The following ADAM32 variants were observed in gnomAD, a reference collection of about 807,000 sequenced individuals.
The protein encoded by ADAM32 is disintegrin and metalloproteinase domain-containing protein 32.
A neutral mutation model predicts 114.9 loss-of-function variants in ADAM32; 89 were observed. The observed-to-expected ratio is 0.77, with a 90% CI of 0.65 to 0.92. The LOEUF (loss-of-function observed/expected upper bound fraction) is 0.92. Among genes scored for constraint, ADAM32 ranks in the 40% least tolerant of loss-of-function variants. The pLI is 0.00. For synonymous variants in ADAM32, 285 were observed against 307.5 expected, an observed-to-expected ratio of 0.93 and a Z score of 0.77; for missense variants, 870 against 932.8, an observed-to-expected ratio of 0.93 and a Z score of 0.88.
intron 10 of ADAM32, among the ~76,000 whole-genome samples, chr8:39,181,338 C>T (rs1398268804): frequency 6.6e-6 from 1 of 152,196 alleles, no homozygotes; most frequent in Non-Finnish European, 1.5e-5. Context: ...CTGTAACACT[C>T]ACTGCGAACG....
At chr8:39,147,228 T>C (rs1207279721) in intron 4 of ADAM32, 23 bp downstream of exon 4, 1 of 968,860 alleles carries the variant, frequency 1.0e-6, no homozygotes, top group African/African-American at 1.7e-5. Flanking sequence ...TTCTGTGTTT[T>C]ATAGTTTTTT....
intron 10 of ADAM32, among the ~76,000 whole-genome samples, chr8:39,170,797 T>C (rs1805138509): frequency 6.6e-6 from 1 of 152,174 alleles, no homozygotes; most frequent in African/African-American, 2.4e-5. Flanking sequence ...CATTTTTTTA[T>C]TGACACATAA....
intron 11 of ADAM32, among the ~76,000 whole-genome samples, chr8:39,210,748 T>C (rs985859019): frequency 3.9e-5 from 6 of 152,232 alleles, no homozygotes; most frequent in Non-Finnish European, 5.9e-5. Flanking sequence ...ACACTTTTTT[T>C]CTGAGATCTT....
At chr8:39,252,646 T>G (rs1811377164) in intron 17 of ADAM32, among the ~76,000 whole-genome samples, 1 of 151,258 alleles carries the variant, frequency 6.6e-6, no homozygotes, top group Admixed American at 6.6e-5. Context: ...GAGTTGAGTT[T>G]TTGAAAAGAT....
At chr8:39,248,584 T>A (rs1811081690) in intron 17 of ADAM32, among the ~76,000 whole-genome samples, 1 of 152,306 alleles carries the variant, frequency 6.6e-6, no homozygotes, top group African/African-American at 2.4e-5. Context: ...CCAAGGGTTC[T>A]TCAATTCTTT....
chr8:39,277,675 C>G (rs577730675), intron 22 of ADAM32, among the ~76,000 whole-genome samples: 85 of 152,348 alleles, frequency 5.6e-4, no homozygotes, highest in Non-Finnish European at 1.1e-3. Context: ...ACTCCACTCA[C>G]TGGGACCCAC....
chr8:39,186,332 C>T (rs1806241878), intron 10 of ADAM32, among the ~76,000 whole-genome samples: 1 of 152,156 alleles, frequency 6.6e-6, no homozygotes, highest in African/African-American at 2.4e-5. Flanking sequence ...ACCAATGCCC[C>T]ATTTCTTTTT....
intron 2 of ADAM32, among the ~76,000 whole-genome samples, chr8:39,128,361 C>G (rs1442851998): frequency 6.6e-6 from 1 of 152,060 alleles, no homozygotes; most frequent in Non-Finnish European, 1.5e-5. Flanking sequence ...TTTCTGTTTT[C>G]TATTTGCTTG....
At chr8:39,270,725 A>G (rs551417827) in intron 19 of ADAM32, 151 bp from the exon 20 acceptor site, 1 of 662,218 alleles carries the variant, frequency 1.5e-6, no homozygotes, top group Non-Finnish European at 2.6e-6. Context: ...ATTTATTTGC[A>G]TCTGTGTTCA....
At chr8:39,132,698 T>C (rs969129716) in intron 2 of ADAM32, among the ~76,000 whole-genome samples, 5 of 152,222 alleles carry the variant, frequency 3.3e-5, no homozygotes, top group Non-Finnish European at 5.9e-5. Flanking sequence ...GACAGGACTT[T>C]ATTTCACCAT....
At chr8:39,224,895 T>C (rs1275929313) in intron 14 of ADAM32, among the ~76,000 whole-genome samples, 1 of 152,186 alleles carries the variant, frequency 6.6e-6, no homozygotes, top group Non-Finnish European at 1.5e-5. Flanking sequence ...TAAAGAAGGA[T>C]TGCTGATTAC....
intron 15 of ADAM32, among the ~76,000 whole-genome samples, chr8:39,233,563 C>T (rs1809890291): frequency 6.6e-6 from 1 of 152,108 alleles, no homozygotes; most frequent in Admixed American, 6.6e-5. Flanking sequence ...TGACCTGTAT[C>T]TTATGCCGAT....
intron 1 of ADAM32, among the ~76,000 whole-genome samples, chr8:39,116,096 G>A (rs1343077424): frequency 6.6e-6 from 1 of 152,144 alleles, no homozygotes; most frequent in Admixed American, 6.6e-5. Context: ...TGGTCTATGT[G>A]TTTGTTTTTG....
At chr8:39,129,552 G>T (rs1802317633) in intron 2 of ADAM32, among the ~76,000 whole-genome samples, 1 of 152,024 alleles carries the variant, frequency 6.6e-6, no homozygotes, top group Non-Finnish European at 1.5e-5. Flanking sequence ...TGTGATAAAT[G>T]GTGTATAATT....
intron 2 of ADAM32, among the ~76,000 whole-genome samples, chr8:39,124,972 A>G (rs1802025589): frequency 6.6e-6 from 1 of 152,142 alleles, no homozygotes; most frequent in Admixed American, 6.5e-5. Flanking sequence ...CAACAGTGTA[A>G]AAGTGTTCTT....
intron 16 of ADAM32, among the ~76,000 whole-genome samples, chr8:39,235,716 T>C (rs577929142): frequency 6.6e-6 from 1 of 152,332 alleles, no homozygotes; most frequent in East Asian, 1.9e-4. Context: ...TTAGTGTCCT[T>C]ATTCAGTGGG....
At chr8:39,202,795 T>C (rs1263587459) in intron 11 of ADAM32, among the ~76,000 whole-genome samples, 1 of 152,226 alleles carries the variant, frequency 6.6e-6, no homozygotes, top group Non-Finnish European at 1.5e-5. Flanking sequence ...CTCTACACAC[T>C]GCTTTGAATG....
chr8:39,235,526 G>A (rs534186851), intron 16 of ADAM32, among the ~76,000 whole-genome samples: 1 of 152,176 alleles, frequency 6.6e-6, no homozygotes, highest in Non-Finnish European at 1.5e-5. Context: ...CCTAAAAAAT[G>A]CAACACAACC....
intron 19 of ADAM32, among the ~76,000 whole-genome samples, chr8:39,265,600 C>T (rs1211058236): frequency 1.3e-5 from 2 of 151,696 alleles, no homozygotes; most frequent in East Asian, 1.9e-4. Flanking sequence ...GGGGGCTATG[C>T]GTGTAAGTAT....
Sources: allele counts gnomAD v4.1 joint callset (sites outside exome capture counted in the v4.1 genomes callset), GRCh38; gene constraint gnomAD v4.1.1; transcripts MANE v1.5; gene names NCBI Gene and HGNC (gene_info 2026-07-23, HGNC 2026-07-21).